The following CDK7 variants were observed in gnomAD, a reference collection of about 807,000 sequenced individuals.
CDK7 encodes cyclin-dependent kinase 7.
CDK7 carries 25 observed loss-of-function variants against 49.1 expected under a neutral mutation model. The ratio of observed to expected loss-of-function variants is 0.51; its 90% CI spans 0.37 to 0.71. The LOEUF is 0.71. CDK7 is among the 30% of genes least tolerant of loss of function. The pLI is 0.00. For synonymous variants in CDK7, 107 were observed against 140.0 expected, an observed-to-expected ratio of 0.76 and a Z score of 1.67; for missense variants, 316 against 411.7, an observed-to-expected ratio of 0.77 and a Z score of 2.01.
In CDK7 at chr5:69,276,638, A is replaced by T; in HGVS notation, c.960A>T (p.Gln320His). ...GTCCAGTGGAAACCTTAAAGGAGCA[A>T]TCAAATCCAGCTTTGGCAATAAAAA... ...PNCPVETLKE[Q>H]SNPALAIKRK... is the part of the protein sequence containing the mutation. The change falls in exon 11 of 12, where the codon CAA (glutamine) becomes CAT (histidine). Residue 320 changes from glutamine (Q) to histidine (H), a missense_variant. Coordinates refer to ENST00000256443, the MANE Select transcript of CDK7 (RefSeq NM_001799.4). The T allele has an allele frequency of 6.2e-7, 1 of 1,614,188 alleles. No individual in the cohort carries two copies.
intron 5 of CDK7, among the ~76,000 whole-genome samples, chr5:69,257,741 G>GA (rs1413878655): frequency 1.3e-5 from 2 of 152,186 alleles, no homozygotes; most frequent in Non-Finnish European, 2.9e-5. Context: ...GCTGAGAAGA[G>GA]ATGGCTTCCC....
chr5:69,271,505 T>A lies in CDK7; in HGVS notation c.715-1387T>A, dbSNP rs543631566. On this transcript the variant is annotated intron_variant, in intron 9 of 11. Transcript: ENST00000256443. ...CCCAGCCCAAAGATTTTTTGACAAT[T>A]TTTTTTTCTTTTTTTTTTTTTTTTC... Among the ~76,000 whole-genome samples the A allele has an allele frequency of 4.1e-3, 492 of 118,974 alleles. 1 individual carries two copies. The highest frequency in any genetic ancestry group is 0.018 in the Middle Eastern group (4 of 226). 78.1% of individuals were successfully genotyped at this position (118,974 alleles called of 152,430 possible).
chr5:69,255,721 A>C (rs1373219610), intron 5 of CDK7, 193 bp downstream of exon 5: 1 of 590,868 alleles, frequency 1.7e-6, no homozygotes, highest in African/African-American at 1.9e-5. Context: ...CCCCAGTGTT[A>C]CATACAAAGA....
intron 2 of CDK7, among the ~76,000 whole-genome samples, chr5:69,241,410 T>C (rs1458383030): frequency 7.1e-6 from 1 of 140,230 alleles, no homozygotes; most frequent in Non-Finnish European, 1.5e-5. Context: ...AACCTCCGCC[T>C]CCTGGGTTCA....
intron 8 of CDK7, among the ~76,000 whole-genome samples, chr5:69,265,126 G>A (rs182044885): frequency 1.4e-3 from 217 of 151,994 alleles, no homozygotes; most frequent in African/African-American, 5.0e-3. Flanking sequence ...TTAGCTAGGC[G>A]TGGTGGCGGG....
intron 5 of CDK7, among the ~76,000 whole-genome samples, chr5:69,257,784 C>G (rs549457404): frequency 6.6e-6 from 1 of 152,290 alleles, no homozygotes; most frequent in Non-Finnish European, 1.5e-5. Context: ...TCAGAAGATG[C>G]AAGCAGAAAC....
rs775887802 is a variant in CDK7, at chr5:69,259,941, G to A, written c.527+5G>A. The A allele has an allele frequency of 6.4e-7, 1 of 1,551,632 alleles. No individual in the cohort carries two copies. Among genetic ancestry groups the A allele is most frequent in the Non-Finnish European group, 8.9e-7 (1 of 1,123,672 alleles). ...TACACATCAGGTTGTAACCAGGTAAGAATCTCTTAAAGCTACATGTGCAGG... is the reference window on the plus strand; with the variant it reads ...TACACATCAGGTTGTAACCAGGTAAAAATCTCTTAAAGCTACATGTGCAGG... On this transcript the variant is annotated splice_donor_5th_base_variant and intron_variant, in intron 7 of 11. Coordinates refer to ENST00000256443, the MANE Select transcript of CDK7 (RefSeq NM_001799.4).
chr5:69,259,781 C>T, intron 6 of CDK7, 37 bp from the exon 7 acceptor site: 1 of 1,358,402 alleles, frequency 7.4e-7, no homozygotes, highest in South Asian at 1.2e-5. Context: ...TCTCCCCTAC[C>T]CTGCTTATTT....
At chr5:69,237,805 G>C (rs1749103337) in intron 2 of CDK7, among the ~76,000 whole-genome samples, 1 of 152,084 alleles carries the variant, frequency 6.6e-6, no homozygotes, top group African/African-American at 2.4e-5. Flanking sequence ...ACAAAAATTA[G>C]CCAGGCATGG....
intron 8 of CDK7, among the ~76,000 whole-genome samples, chr5:69,265,090 C>T (rs1014573698): frequency 3.9e-5 from 6 of 151,940 alleles, no homozygotes; most frequent in Non-Finnish European, 7.4e-5. Context: ...AGTGAAACCC[C>T]GTCTCTGTTG....
At chr5:69,235,275 T>C in intron 1 of CDK7, 119 bp from the exon 2 acceptor site, 1 of 853,752 alleles carries the variant, frequency 1.2e-6, no homozygotes, top group Non-Finnish European at 1.9e-6. Context: ...CCGCCACGTT[T>C]CCAGCCGCCG....
intron 3 of CDK7, 103 bp downstream of exon 3, chr5:69,252,554 G>A (rs775039712): frequency 7.1e-6 from 5 of 700,504 alleles, no homozygotes; most frequent in Non-Finnish European, 1.2e-5. Context: ...CTGTCACCCA[G>A]GCTGGAGTAC....
intron 10 of CDK7, 97 bp from the exon 11 acceptor site, chr5:69,276,446 G>T: frequency 9.3e-7 from 1 of 1,069,672 alleles, no homozygotes; most frequent in East Asian, 2.4e-5. Flanking sequence ...CATTCACATA[G>T]TATTTTTAAT....
intron 2 of CDK7, chr5:69,250,674 G>T (rs945805153): frequency 2.2e-6 from 1 of 456,034 alleles, no homozygotes; most frequent in Non-Finnish European, 4.4e-6. Context: ...CTCTTCCCCA[G>T]GGCAACCAAG....
intron 1 of CDK7, 114 bp from the exon 2 acceptor site, chr5:69,235,280 C>A: frequency 1.2e-6 from 1 of 864,596 alleles, no homozygotes; most frequent in Non-Finnish European, 1.9e-6. Flanking sequence ...ACGTTTCCAG[C>A]CGCCGCGAGT....
intron 10 of CDK7, 136 bp downstream of exon 10, chr5:69,273,177 C>A: frequency 1.6e-6 from 1 of 609,824 alleles, no homozygotes. Context: ...AAATAACAAA[C>A]TTTGTATCTT....
At chr5:69,265,152 C>T (rs1580328104) in intron 8 of CDK7, among the ~76,000 whole-genome samples, 1 of 151,892 alleles carries the variant, frequency 6.6e-6, no homozygotes, top group Non-Finnish European at 1.5e-5. Context: ...GTAGTTCCAG[C>T]TACTCGGGAG....
intron 9 of CDK7, among the ~76,000 whole-genome samples, chr5:69,272,334 T>A (rs2150234212): frequency 6.6e-6 from 1 of 152,310 alleles, no homozygotes; most frequent in South Asian, 2.1e-4. Flanking sequence ...CCTCCCACTT[T>A]ATTGTTCTTT....
At chr5:69,255,894 GCT>G in intron 5 of CDK7, 1 of 198,960 alleles carries the variant, frequency 5.0e-6, no homozygotes, top group South Asian at 7.0e-5. Context: ...CGTGATCTCG[GCT>G]CTCTGCAGCC....
Sources: allele counts gnomAD v4.1 joint callset (sites outside exome capture counted in the v4.1 genomes callset), GRCh38; gene constraint gnomAD v4.1.1; transcripts MANE v1.5; gene names NCBI Gene and HGNC (gene_info 2026-07-23, HGNC 2026-07-21).